TRIM14: variants seen among roughly 807,000 people sequenced by gnomAD.
TRIM14 encodes tripartite motif-containing protein 14.
Under a neutral mutation model 44.5 loss-of-function variants are expected in TRIM14, and 28 were observed. The ratio of observed to expected loss-of-function variants is 0.63; its 90% CI spans 0.47 to 0.86. The LOEUF is 0.86. Among genes scored for constraint, TRIM14 ranks in the 40% least tolerant of loss-of-function variants. The probability of loss-of-function intolerance (pLI) is 0.00; values close to 1 mark genes in which losing one functional copy is unlikely to be tolerated. For missense variants in TRIM14, 607 were observed against 611.1 expected (o/e 0.99, Z 0.07); for synonymous variants, 299 against 269.2 (o/e 1.11, Z -1.08).
intron 6 of TRIM14, chr9:98,075,812 G>C (rs950147733): frequency 6.6e-6 from 1 of 152,132 alleles, no homozygotes; most frequent in Admixed American, 6.5e-5. Context: ...ATTACATTAT[G>C]TGCAGTTTTT....
intron 5 of TRIM14, among the ~76,000 whole-genome samples, chr9:98,090,776 C>G (rs1564174831): frequency 6.6e-6 from 1 of 152,140 alleles, no homozygotes; most frequent in Non-Finnish European, 1.5e-5. Context: ...GTTGTGCAGG[C>G]TGGTCTCGAA....
intron 3 of TRIM14, among the ~76,000 whole-genome samples, chr9:98,097,817 G>T (rs1360573909): frequency 1.3e-5 from 2 of 152,190 alleles, no homozygotes; most frequent in Non-Finnish European, 2.9e-5. Context: ...TCCATGGAAG[G>T]ATTCCTTTGT....
chr9:98,107,057 C>T (rs1402391931), intron 2 of TRIM14, among the ~76,000 whole-genome samples: 4 of 152,098 alleles, frequency 2.6e-5, no homozygotes. Flanking sequence ...TCACTAGCTA[C>T]TGGGGGAATG....
intron 5 of TRIM14, among the ~76,000 whole-genome samples, chr9:98,091,415 C>A (rs912109377): frequency 2.6e-5 from 4 of 152,072 alleles, no homozygotes; most frequent in Admixed American, 1.3e-4. Flanking sequence ...CATGACTGCA[C>A]CACTGCACTC....
intron 1 of TRIM14, among the ~76,000 whole-genome samples, chr9:98,113,052 T>G (rs1484063304): frequency 7.1e-6 from 1 of 141,796 alleles, no homozygotes; most frequent in Non-Finnish European, 1.5e-5. Context: ...AGGTGGAGGT[T>G]GCAGTGAGGC....
chr9:98,062,777 G>GTTTT, the TRIM14 span, among the ~76,000 whole-genome samples: 5 of 109,324 alleles, frequency 4.6e-5, no homozygotes, highest in Admixed American at 1.0e-4. Flanking sequence ...AGTTATTTCA[G>GTTTT]TTTTTTTTTT....
chr9:98,043,983 G>A, the TRIM14 span, among the ~76,000 whole-genome samples: 4 of 149,128 alleles, frequency 2.7e-5, no homozygotes, highest in Admixed American at 6.7e-5. Context: ...TGTTTTCTCC[G>A]CCTTCTTAGA....
chr9:98,080,189 T>G (rs1829790794), downstream of TRIM14, among the ~76,000 whole-genome samples: 1 of 152,160 alleles, frequency 6.6e-6, no homozygotes, highest in Non-Finnish European at 1.5e-5. Context: ...ACTCCAGCCT[T>G]GGTGACAGAG....
At chr9:98,080,169 ACG>A (rs2118009077), downstream of TRIM14, among the ~76,000 whole-genome samples, 2 of 152,220 alleles carry the variant, frequency 1.3e-5, no homozygotes, top group Non-Finnish European at 2.9e-5. Context: ...AGCTGAGATC[ACG>A]CCATTGCACT....
At chr9:98,051,697 C>T in the TRIM14 span, among the ~76,000 whole-genome samples, 3 of 152,138 alleles carry the variant, frequency 2.0e-5, no homozygotes, top group African/African-American at 4.8e-5. Flanking sequence ...CAAGCAGCCA[C>T]AGCTGGAAGG....
chr9:98,056,753 G>A, the TRIM14 span: 4 of 1,584,144 alleles, frequency 2.5e-6, no homozygotes, highest in Middle Eastern at 1.8e-4. Context: ...TAGAGGCGGC[G>A]GCGGCGGCGG....
chr9:98,097,599 C>T (rs1391523446), intron 3 of TRIM14, among the ~76,000 whole-genome samples: 1 of 152,192 alleles, frequency 6.6e-6, no homozygotes, highest in East Asian at 1.9e-4. Flanking sequence ...TTGTAAATAA[C>T]TGTTTCTGAG....
At chr9:98,049,915 T>G in the TRIM14 span, among the ~76,000 whole-genome samples, 1 of 152,190 alleles carries the variant, frequency 6.6e-6, no homozygotes, top group African/African-American at 2.4e-5. Flanking sequence ...TTTAAAGATG[T>G]TTGATTGATC....
chr9:98,044,481 C>T, the TRIM14 span, among the ~76,000 whole-genome samples: 1 of 147,002 alleles, frequency 6.8e-6, no homozygotes, highest in Non-Finnish European at 1.5e-5. Context: ...TCAAGCTATT[C>T]TCCTGGTTCA....
At position 98,087,899 on chromosome 9, in the gene TRIM14, C is replaced by T; in HGVS notation, c.900G>A (p.Val300=). 2 of 1,569,754 alleles carry T rather than the reference C, an allele frequency of 1.3e-6. No individual in the cohort carries two copies. Among genetic ancestry groups the T allele is most frequent in the South Asian group, 2.3e-5 (2 of 87,430 alleles). Residue 300 remains valine (V), a synonymous_variant, in exon 6 of 6, where the codon GTG becomes GTA. Transcript: ENST00000341469. ...AGAGCGCGTCGAACCGCAGCACGGG[C>T]ACGGGCCCCAGGCTGCCCAGCAGGC... ...RCGLLGSLGP[V]PVLRFDALWQ...
At chr9:98,064,379 G>A (rs1390194862), downstream of TRIM14, among the ~76,000 whole-genome samples, 3 of 151,966 alleles carry the variant, frequency 2.0e-5, no homozygotes, top group Non-Finnish European at 4.4e-5. Flanking sequence ...TCAGCCTCCT[G>A]AGTAGCTGGG....
rs1008253225 is a variant in TRIM14 at position 98,109,972 on chromosome 9, C to G, written c.220G>C (p.Glu74Gln). The G allele has an allele frequency of 1.2e-6, 2 of 1,613,858 alleles. No homozygotes were observed. Among genetic ancestry groups the G allele is most frequent in the African/African-American group, 2.7e-5 (2 of 74,860 alleles). ...TTGATTGCCAGCTGCTTTAAACATTCTTGGCTGAGTTTCTGTACAGGAGGG... is the reference window on the plus strand; with the variant it reads ...TTGATTGCCAGCTGCTTTAAACATTGTTGGCTGAGTTTCTGTACAGGAGGG... ...AAVHVQKLSQ[E>Q]CLKQLAIKKQ... is the part of the protein sequence containing the mutation. Residue 74 changes from glutamate to glutamine, a missense_variant, in exon 2 of 6, where the codon GAA (glutamate) becomes CAA (glutamine). Coordinates refer to ENST00000341469, the MANE Select transcript of TRIM14 (RefSeq NM_014788.4).
At chr9:98,052,672 T>C in the TRIM14 span, among the ~76,000 whole-genome samples, 24 of 152,274 alleles carry the variant, frequency 1.6e-4, no homozygotes, top group Admixed American at 6.5e-4. Context: ...CACGCCTGCC[T>C]AATTTTATAT....
chr9:98,105,713 G>A (rs945632482), intron 2 of TRIM14, among the ~76,000 whole-genome samples: 6 of 152,352 alleles, frequency 3.9e-5, no homozygotes, highest in African/African-American at 1.2e-4. Flanking sequence ...AGCCAGAGGT[G>A]CATGCATGCA....
Sources: allele counts gnomAD v4.1 joint callset (sites outside exome capture counted in the v4.1 genomes callset), GRCh38; gene constraint gnomAD v4.1.1; transcripts MANE v1.5; gene names NCBI Gene and HGNC (gene_info 2026-07-23, HGNC 2026-07-21).